NDRG2: variants seen among roughly 807,000 people sequenced by gnomAD.
NDRG2 encodes the protein NDRG family member 2.
NDRG2 carries 34 observed loss-of-function variants against 58.2 expected under a neutral mutation model. The observed-to-expected ratio is 0.58, with a 90% CI of 0.44 to 0.78. NDRG2 has a LOEUF of 0.78. Ranked by LOEUF, NDRG2 falls within the 30% of genes least tolerant of loss-of-function variation. NDRG2 has a pLI of 0.00. For synonymous variants in NDRG2, 187 were observed against 175.9 expected (o/e 1.06, Z -0.50); for missense variants, 434 against 471.2 (o/e 0.92, Z 0.73).
intron 1 of NDRG2, among the ~76,000 whole-genome samples, chr14:21,064,598 A>T (rs1256642212): frequency 2.0e-5 from 3 of 152,190 alleles, no homozygotes; most frequent in African/African-American, 7.2e-5. Context: ...CACCGCACCC[A>T]GCCTACTTGA....
At chr14:21,035,196 T>C (rs981461787) in intron 1 of NDRG2, among the ~76,000 whole-genome samples, 4 of 152,308 alleles carry the variant, frequency 2.6e-5, no homozygotes, top group African/African-American at 9.6e-5. Flanking sequence ...GCCTTACTCC[T>C]GTCACACCCA....
intron 9 of NDRG2, 22 bp downstream of exon 9, chr14:21,019,898 T>C: frequency 6.2e-7 from 1 of 1,613,322 alleles, no homozygotes; most frequent in South Asian, 1.1e-5. Flanking sequence ...TCGACTCTTC[T>C]ACATCTCCTA....
chr14:21,040,121 CTCTATCCAGAACT>C (rs370313909), intron 1 of NDRG2, among the ~76,000 whole-genome samples: 85 of 152,254 alleles, frequency 5.6e-4, no homozygotes, highest in African/African-American at 2.0e-3. Context: ...GGGCATAATT[CTCTATCCAGAACT>C]TCTATCCAGA....
Position 21,017,558 on chromosome 14 carries a change from G to GT in NDRG2, c.*37dup, listed in dbSNP as rs1566447968. The GT allele has an allele frequency of 1.9e-6, 3 of 1,596,640 alleles. No individual in the cohort carries two copies. In the Admixed American group the frequency reaches 5.1e-5, roughly 27 times the overall value. On this transcript the variant is annotated 3_prime_UTR_variant, in exon 16 of 16. Coordinates refer to ENST00000556147, the MANE Select transcript of NDRG2 (RefSeq NM_001320329.2). ...ACCTCCCAGGTTAGCTCTGGGGGAG[G>GT]TGAGGGCTGGGTCCCACTCTAGGGC...
At chr14:21,056,560 TC>T (rs1191268683) in intron 1 of NDRG2, among the ~76,000 whole-genome samples, 1 of 152,204 alleles carries the variant, frequency 6.6e-6, no homozygotes, top group African/African-American at 2.4e-5. Context: ...GAATTCACCT[TC>T]TTGCTCTAAG....
chr14:21,045,408 C>T (rs747094116), intron 1 of NDRG2, among the ~76,000 whole-genome samples: 3 of 152,186 alleles, frequency 2.0e-5, no homozygotes, highest in African/African-American at 4.8e-5. Flanking sequence ...TTGCCATCAT[C>T]GAATGGACTT....
chr14:21,024,946 G>T lies in NDRG2; in HGVS notation c.-923C>A. 1 of 985,626 alleles carries T rather than the reference G, an allele frequency of 1.0e-6. No homozygotes were observed. The highest frequency in any genetic ancestry group is 1.2e-6 in the Non-Finnish European group (1 of 830,096). 61.1% of individuals were successfully genotyped at this position (985,626 alleles called of 1,614,324 possible). A position where few individuals can be genotyped will look rare whatever the true frequency, so the allele number is the denominator to read the frequency against. On this transcript the variant is annotated 5_prime_UTR_variant, in exon 1 of 16. It adds an upstream start codon to the 5' untranslated region. Coordinates refer to ENST00000556147, the MANE Select transcript of NDRG2 (RefSeq NM_001320329.2). ...CCTTTCCCCCGAGCCTCCAGCTCCAGGGGACGCGGATCAATCACACCGCCC... is the reference window on the plus strand; with the variant it reads ...CCTTTCCCCCGAGCCTCCAGCTCCATGGGACGCGGATCAATCACACCGCCC...
At position 21,021,898 on chromosome 14, in the gene NDRG2, T is replaced by A; in HGVS notation, c.345-19A>T. 1.2e-6 allele frequency: 2 copies of A among 1,612,304 alleles called. No individual in the cohort carries two copies. The highest frequency in any genetic ancestry group is 1.7e-6 in the Non-Finnish European group (2 of 1,179,176). On this transcript the variant is annotated intron_variant, in intron 5 of 15. Coordinates refer to ENST00000556147, the MANE Select transcript of NDRG2 (RefSeq NM_001320329.2). The stretch of plus-strand genomic sequence containing the variant: ...CTGATATCTGGAAAAGAGAGGCATG[T>A]TAAGGAAGATACCAACCTGCCCTCA...
intron 1 of NDRG2, among the ~76,000 whole-genome samples, chr14:21,057,162 C>T (rs764215193): frequency 1.3e-5 from 2 of 152,138 alleles, no homozygotes; most frequent in Admixed American, 6.6e-5. Context: ...TAACCGGGCG[C>T]GGTGGCTCAC....
chr14:21,058,080 G>T (rs376760262), intron 1 of NDRG2: 2 of 1,614,020 alleles, frequency 1.2e-6, no homozygotes, highest in South Asian at 2.2e-5. Context: ...TACACAGAAC[G>T]GTGCAAAGAC....
intron 6 of NDRG2, chr14:21,021,047 C>A: frequency 1.5e-6 from 1 of 681,214 alleles, no homozygotes; most frequent in Admixed American, 2.0e-5. Flanking sequence ...TACCTGAAGT[C>A]TATCCCCAGC....
upstream of NDRG2, among the ~76,000 whole-genome samples, chr14:21,028,286 C>G (rs1444882003): frequency 1.3e-5 from 2 of 152,024 alleles, no homozygotes; most frequent in Admixed American, 1.3e-4. Flanking sequence ...TGGGGTCTCT[C>G]TGTCAGCCAG....
At chr14:21,058,649 C>A (rs1263973403) in intron 1 of NDRG2, among the ~76,000 whole-genome samples, 1 of 152,104 alleles carries the variant, frequency 6.6e-6, no homozygotes. Flanking sequence ...TGTGGCTCAC[C>A]AAAGACCCTC....
intron 1 of NDRG2, among the ~76,000 whole-genome samples, chr14:21,060,939 G>C (rs1480690963): frequency 6.6e-6 from 1 of 152,214 alleles, no homozygotes; most frequent in African/African-American, 2.4e-5. Flanking sequence ...AATAGCACTG[G>C]GTTCCTAACG....
Position 21,070,417 on chromosome 14 carries a change from G to GC in NDRG2, c.24+410dup. 7.1e-7 allele frequency: 1 copy of GC among 1,413,676 alleles called. No individual in the cohort carries two copies. The highest frequency in any genetic ancestry group is 1.5e-5 in the South Asian group (1 of 64,866). The allele number at this position is 1,413,676 out of a possible 1,614,324, so 87.6% of individuals were successfully genotyped here. A position where few individuals can be genotyped will look rare whatever the true frequency, so the allele number is the denominator to read the frequency against. Reference sequence around the variant, plus strand: ...GAGCCATGGTGAGTCCAGCGTCGCAGCCCCCTGGGTCCCCTCGGCCTTCGC... The same window carrying GC: ...GAGCCATGGTGAGTCCAGCGTCGCAGCCCCCCTGGGTCCCCTCGGCCTTCGC... On this transcript the variant is annotated intron_variant, in intron 1 of 14. Transcript: ENST00000403829. The surrounding 1 kb of genome is among the most constrained non-coding windows in gnomAD (Gnocchi z 4.7).
At chr14:21,042,887 TG>T in intron 1 of NDRG2, 1 of 916,772 alleles carries the variant, frequency 1.1e-6, no homozygotes, top group Non-Finnish European at 1.6e-6. Flanking sequence ...AGTAGGGAGA[TG>T]GGTGACTAGC....
At chr14:21,060,758 TC>T (rs11351110) in intron 1 of NDRG2, among the ~76,000 whole-genome samples, 28,633 of 152,122 alleles carry the variant, frequency 0.19, 2,933 homozygotes, top group Admixed American at 0.23. Context: ...TCCTGCAGCC[TC>T]TCAGTGTTCG....
chr14:21,037,834 C>G (rs775741150), intron 1 of NDRG2, among the ~76,000 whole-genome samples: 2 of 152,106 alleles, frequency 1.3e-5, no homozygotes, highest in Non-Finnish European at 2.9e-5. Context: ...GTTGTTTTTC[C>G]TGTAAAGATG....
chr14:21,019,568 G>A (rs1878919451), intron 10 of NDRG2, 71 bp downstream of exon 10: 1 of 1,021,990 alleles, frequency 9.8e-7, no homozygotes, highest in Admixed American at 2.0e-5. Context: ...CTCCTCCTCT[G>A]TGCCTCCCCC....
Sources: allele counts gnomAD v4.1 joint callset (sites outside exome capture counted in the v4.1 genomes callset), GRCh38; gene constraint gnomAD v4.1.1; non-coding constraint Gnocchi (gnomAD v3.1); transcripts MANE v1.5; gene names NCBI Gene and HGNC (gene_info 2026-07-23, HGNC 2026-07-21).